Variants in TEX11 observed in about 807,000 individuals in gnomAD.
TEX11 encodes testis expressed 11.
Under a neutral mutation model 84.4 loss-of-function variants are expected in TEX11, and 7 were observed. The observed-to-expected ratio is 0.08, with a 90% confidence interval of 0.05 to 0.16. The LOEUF (loss-of-function observed/expected upper bound fraction) is 0.16, where lower values mean the gene tolerates loss of function less well. TEX11 is among the 10% of genes least tolerant of loss of function. The pLI, the probability that TEX11 is intolerant of heterozygous loss-of-function variation, is 1.00. For synonymous variants in TEX11, 264 were observed against 222.8 expected (o/e 1.18, Z -1.64); for missense variants, 551 against 660.5 (o/e 0.83, Z 1.82).
chrX:70,852,127 T>C (rs946830701), intron 7 of TEX11, among the ~76,000 whole-genome samples: 2 of 112,249 alleles, frequency 1.8e-5, no homozygotes, highest in African/African-American at 6.5e-5. Context: ...TTTTATGGTA[T>C]ATGAATTATA....
At chrX:70,515,776 G>A in the TEX11 span, among the ~76,000 whole-genome samples, 3 of 112,185 alleles carry the variant, frequency 2.7e-5, no homozygotes, top group Non-Finnish European at 5.6e-5. Flanking sequence ...ATCCTCTCCA[G>A]CACCTGTTGT....
chrX:70,539,056 A>C (rs1464056482), intron 28 of TEX11, among the ~76,000 whole-genome samples: 4 of 19,677 alleles, frequency 2.0e-4, no homozygotes, highest in African/African-American at 7.2e-4. Flanking sequence ...TTTTTTTAAG[A>C]TGGAGTCTCA....
At chrX:70,552,475 T>C (rs1426563889) in intron 27 of TEX11, among the ~76,000 whole-genome samples, 1 of 111,667 alleles carries the variant, frequency 9.0e-6, no homozygotes, top group Non-Finnish European at 1.9e-5. Flanking sequence ...ATTCTTTTTT[T>C]AGTTTCCTGC....
At chrX:70,558,927 G>A (rs2088325421) in intron 25 of TEX11, among the ~76,000 whole-genome samples, 2 of 112,005 alleles carry the variant, frequency 1.8e-5, no homozygotes, top group Admixed American at 9.5e-5. Context: ...CAAGTGTTGA[G>A]AAGGAGGTGG....
At chrX:70,577,735 CTT>C (rs111944315) in intron 25 of TEX11, among the ~76,000 whole-genome samples, 4 of 98,122 alleles carry the variant, frequency 4.1e-5, no homozygotes, top group African/African-American at 1.1e-4. Flanking sequence ...ATGATTATAT[CTT>C]TTTTTTTTTT....
chrX:70,811,196 C>A (rs1285255647), intron 8 of TEX11, among the ~76,000 whole-genome samples: 1 of 105,231 alleles, frequency 9.5e-6, no homozygotes, highest in East Asian at 3.0e-4. Flanking sequence ...CCACAACAGG[C>A]CCCAGCGTCT....
At chrX:70,556,664 C>T (rs1188809626) in intron 25 of TEX11, among the ~76,000 whole-genome samples, 1 of 111,196 alleles carries the variant, frequency 9.0e-6, no homozygotes, top group Non-Finnish European at 1.9e-5. Flanking sequence ...TTGCTCATGT[C>T]TTCTACATCT....
chrX:70,722,770 T>C, intron 12 of TEX11, 74 bp from the exon 13 acceptor site: 1 of 840,260 alleles, frequency 1.2e-6, no homozygotes, highest in East Asian at 3.4e-5. Context: ...ATAATTTTCC[T>C]CTATTCAAAA....
intron 2 of TEX11, among the ~76,000 whole-genome samples, chrX:70,882,989 A>T (rs2091691146): frequency 8.9e-6 from 1 of 112,120 alleles, no homozygotes; most frequent in African/African-American, 3.2e-5. Context: ...CACCGACACC[A>T]GCTGAGGCAA....
intron 8 of TEX11, among the ~76,000 whole-genome samples, chrX:70,807,712 GC>G (rs200869140): frequency 0.011 from 1,183 of 111,589 alleles, 8 homozygotes; most frequent in Middle Eastern, 0.032. Flanking sequence ...GACCTGTCTT[GC>G]TTCAAAAAAG....
chrX:70,555,533 T>C (rs1457199745), intron 25 of TEX11, among the ~76,000 whole-genome samples: 1 of 112,297 alleles, frequency 8.9e-6, no homozygotes, highest in African/African-American at 3.2e-5. Context: ...AAGGTTCCTT[T>C]GTGCTCCTTT....
chrX:70,584,383 G>C (rs73540778), intron 25 of TEX11, among the ~76,000 whole-genome samples: 3,624 of 111,227 alleles, frequency 0.033, 150 homozygotes, highest in African/African-American at 0.11. Flanking sequence ...CCTATAACAA[G>C]TAAAGAGATT....
chrX:70,610,343 G>A (rs941156103), intron 21 of TEX11, among the ~76,000 whole-genome samples, 160 bp downstream of exon 21: 4 of 111,128 alleles, frequency 3.6e-5, no homozygotes, highest in African/African-American at 1.3e-4. Context: ...CTCTGCTTGT[G>A]AATGAAGAAA....
intron 9 of TEX11, among the ~76,000 whole-genome samples, chrX:70,754,771 A>AG (rs2090855869): frequency 9.3e-6 from 1 of 107,613 alleles, no homozygotes; most frequent in Non-Finnish European, 1.9e-5. Context: ...GAAAGAGAGA[A>AG]AGAGAGAGAG....
At chrX:70,746,720 A>C (rs1602092550) in intron 9 of TEX11, among the ~76,000 whole-genome samples, 1 of 112,330 alleles carries the variant, frequency 8.9e-6, no homozygotes, top group Admixed American at 9.4e-5. Flanking sequence ...GTGAGCAATT[A>C]AGAGGGAGCT....
intron 9 of TEX11, among the ~76,000 whole-genome samples, chrX:70,750,933 A>AAAAAATATATATATATATAT (rs1390175136): frequency 7.1e-5 from 2 of 28,184 alleles, no homozygotes; most frequent in Non-Finnish European, 1.4e-4. Context: ...AAAAAAAAAA[A>AAAAAATATATATATATATAT]ATATATATAT....
rs1396078094 is a variant in TEX11 at position 70,712,859 on chromosome X, G to C, written c.1004+9759C>G. Among the ~76,000 whole-genome samples the C allele has an allele frequency of 6.3e-5, 7 of 111,456 alleles. No homozygotes were observed. The East Asian group carries it at 8.4e-4, about 13-fold the overall frequency. On this transcript the variant is annotated intron_variant, in intron 13 of 29. Coordinates refer to ENST00000374333, the MANE Select transcript of TEX11 (RefSeq NM_031276.3). ...AGGAGTGGTGAGAGAGGGCATCCCT[G>C]TCTTGTGCCGGTTTTCAAAGGGAAT...
At chrX:70,589,609 G>A (rs777689305) in intron 25 of TEX11, among the ~76,000 whole-genome samples, 48 of 111,497 alleles carry the variant, frequency 4.3e-4, no homozygotes, top group African/African-American at 1.3e-3. Flanking sequence ...TGCAAACTCC[G>A]CCTGCGGGGT....
chrX:70,750,933 A>AATATATATATATAT lies in TEX11; in HGVS notation c.693-6728_693-6715dup, dbSNP rs1169707708. 7.9e-3 allele frequency among the ~76,000 whole-genome samples: 221 copies of AATATATATATATAT among 28,076 alleles called. 3 individuals carry two copies. The highest frequency in any genetic ancestry group is 0.023 in the Middle Eastern group (1 of 43). 24.4% of individuals were successfully genotyped at this position (28,076 alleles called of 115,157 possible). A position where few individuals can be genotyped will look rare whatever the true frequency, so the allele number is the denominator to read the frequency against. ...ACTTAAAGTATAATAAAAAAAAAAA[A>AATATATATATATAT]ATATATATATATATATATATATATA... is the stretch of plus-strand genomic sequence containing the variant. On this transcript the variant is annotated intron_variant, in intron 9 of 29. Coordinates refer to ENST00000374333, the MANE Select transcript of TEX11 (RefSeq NM_031276.3).
Sources: allele counts gnomAD v4.1 joint callset (sites outside exome capture counted in the v4.1 genomes callset), GRCh38; gene constraint gnomAD v4.1.1; transcripts MANE v1.5; gene names NCBI Gene and HGNC (gene_info 2026-07-23, HGNC 2026-07-21).